The following POLR2F variants were observed in gnomAD, a reference collection of about 807,000 sequenced individuals.
The protein encoded by POLR2F is RNA polymerase II, I and III subunit F, also known as DNA-directed RNA polymerases I, II, and III subunit RPABC2.
Under a neutral mutation model 22.7 loss-of-function variants are expected in POLR2F, and 12 were observed. That is an observed-to-expected ratio of 0.53 (90% confidence interval 0.34 to 0.86). The LOEUF is 0.86. Among genes scored for constraint, POLR2F ranks in the 40% least tolerant of loss-of-function variants. The probability of loss-of-function intolerance (pLI) is 0.02; values close to 1 mark genes in which losing one functional copy is unlikely to be tolerated. For missense variants in POLR2F, 126 were observed against 171.5 expected (o/e 0.73, Z 1.48); for synonymous variants, 57 against 66.0 (o/e 0.86, Z 0.66).
chr22:38,041,404 A>T, downstream of POLR2F: 4 of 347,116 alleles, frequency 1.2e-5, no homozygotes, highest in Non-Finnish European at 2.1e-5. Context: ...GAGAGGATCC[A>T]GGCGGGGGAT....
intron 1 of POLR2F, among the ~76,000 whole-genome samples, chr22:37,989,897 G>T (rs1041326318): frequency 6.6e-6 from 1 of 152,164 alleles, no homozygotes; most frequent in South Asian, 2.1e-4. Flanking sequence ...GCCTGCTGGC[G>T]GTCTAGGCAC....
chr22:38,031,195 C>T (rs1032350634), downstream of POLR2F, among the ~76,000 whole-genome samples: 3 of 152,100 alleles, frequency 2.0e-5, no homozygotes, highest in African/African-American at 7.2e-5. This position sits in a 1 kb window ranked among gnomAD's most constrained non-coding sequence, Gnocchi z 4.1. Context: ...GGTGTCATTC[C>T]ATCTGCAGGG....
intron 1 of POLR2F, among the ~76,000 whole-genome samples, chr22:37,995,710 C>T (rs1252902011): frequency 6.6e-6 from 1 of 152,000 alleles, no homozygotes; most frequent in African/African-American, 2.4e-5. Flanking sequence ...CAGTGGCTCA[C>T]ACCTGTAGTC....
downstream of POLR2F, chr22:37,969,430 C>A: frequency 1.7e-6 from 1 of 584,498 alleles, no homozygotes; most frequent in Non-Finnish European, 2.2e-6. Context: ...ACACTTGGAA[C>A]CTTTGGTCTA....
At chr22:38,005,560 C>T (rs1449242973) in intron 1 of POLR2F, among the ~76,000 whole-genome samples, 1 of 152,220 alleles carries the variant, frequency 6.6e-6, no homozygotes, top group Non-Finnish European at 1.5e-5. Context: ...TGGTACTGGC[C>T]TGGGGGCCAG....
chr22:38,035,412 C>G (rs1004317367), intron 5 of POLR2F, among the ~76,000 whole-genome samples: 2 of 152,234 alleles, frequency 1.3e-5, no homozygotes, highest in Non-Finnish European at 2.9e-5. Flanking sequence ...TGCTGCCCAA[C>G]GGTCTAGAGC....
chr22:38,033,978 C>T (rs567315887), intron 5 of POLR2F, among the ~76,000 whole-genome samples: 56 of 152,278 alleles, frequency 3.7e-4, no homozygotes, highest in African/African-American at 1.3e-3. Context: ...TTGTGACCGC[C>T]GCTGACCCCT....
At chr22:37,958,540 C>T (rs1372433197) in intron 2 of POLR2F, 1 of 152,162 alleles carries the variant, frequency 6.6e-6, no homozygotes, top group Admixed American at 6.6e-5. Context: ...CTCTTGCCTA[C>T]AATCCTCTAC....
chr22:38,022,552 A>G (rs2084969180), intron 1 of POLR2F, among the ~76,000 whole-genome samples: 1 of 116,688 alleles, frequency 8.6e-6, no homozygotes, highest in African/African-American at 3.2e-5. Context: ...ACGCTGTCTC[A>G]AAAAAAAAAA....
chr22:37,983,578 G>T (rs199963686), upstream of POLR2F: 4 of 1,610,210 alleles, frequency 2.5e-6, no homozygotes, highest in Admixed American at 5.0e-5. The surrounding 1 kb of genome is among the most constrained non-coding windows in gnomAD (Gnocchi z 9.5). Flanking sequence ...GGATGCACAC[G>T]GGGAACTTGT....
At chr22:37,963,990 T>C (rs987767385) in intron 3 of POLR2F, among the ~76,000 whole-genome samples, 3 of 151,832 alleles carry the variant, frequency 2.0e-5, no homozygotes, top group Non-Finnish European at 2.9e-5. Flanking sequence ...TAATCCCAGC[T>C]ACTCGGGAGG....
At chr22:38,013,132 C>T (rs1279840768) in intron 1 of POLR2F, among the ~76,000 whole-genome samples, 1 of 124,058 alleles carries the variant, frequency 8.1e-6, no homozygotes, top group Non-Finnish European at 1.7e-5. Context: ...CCTTCCCTTC[C>T]TTTCTTTTCT....
intron 1 of POLR2F, among the ~76,000 whole-genome samples, chr22:38,005,388 G>T (rs987154098): frequency 6.6e-6 from 1 of 152,208 alleles, no homozygotes; most frequent in Non-Finnish European, 1.5e-5. Flanking sequence ...GCCTCCCAAA[G>T]GGTGGGATTA....
At chr22:37,982,683 G>GAGAT (rs1164612034), upstream of POLR2F, among the ~76,000 whole-genome samples, 1 of 152,148 alleles carries the variant, frequency 6.6e-6, no homozygotes, top group Non-Finnish European at 1.5e-5. Flanking sequence ...AGGGAGGAAA[G>GAGAT]AGATCAGCTT....
intron 5 of POLR2F, among the ~76,000 whole-genome samples, chr22:38,038,333 C>T (rs778980748): frequency 6.6e-6 from 1 of 152,064 alleles, no homozygotes; most frequent in African/African-American, 2.4e-5. Context: ...TAGGGTGGGC[C>T]AGGCCCCAGA....
downstream of POLR2F, chr22:37,972,151 G>A: frequency 1.9e-6 from 1 of 529,046 alleles, no homozygotes; most frequent in South Asian, 1.7e-5. Context: ...GGAGGGGGGA[G>A]GGGAAGGGGG....
At chr22:37,990,717 T>C (rs1188714013) in intron 1 of POLR2F, among the ~76,000 whole-genome samples, 1 of 152,258 alleles carries the variant, frequency 6.6e-6, no homozygotes, top group East Asian at 1.9e-4. Flanking sequence ...CCAATGGCTG[T>C]GGAGGCCCTG....
chr22:38,038,274 G>T (rs2085135507), intron 5 of POLR2F, among the ~76,000 whole-genome samples: 1 of 152,174 alleles, frequency 6.6e-6, no homozygotes, highest in African/African-American at 2.4e-5. Context: ...ACCAGCTTTG[G>T]GACCTGAAGC....
At chr22:37,987,215 TC>T (rs142444280) in intron 1 of POLR2F, 4,700 of 456,618 alleles carry the variant, frequency 0.01, 193 homozygotes, top group African/African-American at 0.083. Context: ...AATCCAGGCT[TC>T]CTTCCATGGC....
Sources: gnomAD v4.1 joint callset for allele counts (sites outside exome capture counted in the v4.1 genomes callset) on GRCh38, gnomAD v4.1.1 for gene constraint, Gnocchi (gnomAD v3.1) non-coding constraint, MANE v1.5 for transcripts, NCBI Gene and HGNC (gene_info 2026-07-23, HGNC 2026-07-21) for gene names.